Variants in ADAM10 observed in about 807,000 individuals in gnomAD.
ADAM10 encodes the protein disintegrin and metalloproteinase domain-containing protein 10.
A neutral mutation model predicts 90.1 loss-of-function variants in ADAM10; 17 were observed. That is an observed-to-expected ratio of 0.19 (90% CI 0.13 to 0.28). The LOEUF is 0.28. Among genes scored for constraint, ADAM10 ranks in the 10% least tolerant of loss-of-function variants. The pLI is 1.00. For missense variants in ADAM10, 610 were observed against 914.3 expected (o/e 0.67, Z 4.29); for synonymous variants, 310 against 298.6 (o/e 1.04, Z -0.40).
At position 58,589,065 on chromosome 15, in the gene ADAM10, G is replaced by T. The variant is rs1218483023; in HGVS notation, c.*8482C>A. 1 of 152,216 alleles carries T rather than the reference G, an allele frequency of 6.6e-6. No homozygotes were observed. The allele number at this position is 152,216 out of a possible 1,614,324, so 9.4% of individuals were successfully genotyped here. A position where few individuals can be genotyped will look rare whatever the true frequency, so the allele number is the denominator to read the frequency against. ...TTAAAAGTTAAAAATACAGCTGTTGGTAATGTGTTGTAATGAAACTAACTT... is the reference window on the plus strand; with the variant it reads ...TTAAAAGTTAAAAATACAGCTGTTGTTAATGTGTTGTAATGAAACTAACTT... On this transcript the variant is annotated 3_prime_UTR_variant, in exon 16 of 16. Transcript: ENST00000260408.
intron 2 of ADAM10, among the ~76,000 whole-genome samples, chr15:58,706,977 C>A (rs1411137490): frequency 6.9e-6 from 1 of 145,360 alleles, no homozygotes; most frequent in African/African-American, 2.6e-5. Flanking sequence ...CCATTGCACT[C>A]CAGCCTGGGT....
At chr15:58,668,038 G>C (rs1009084220) in intron 4 of ADAM10, among the ~76,000 whole-genome samples, 9 of 151,986 alleles carry the variant, frequency 5.9e-5, no homozygotes, top group Non-Finnish European at 1.0e-4. Flanking sequence ...TGAGGAAGAG[G>C]GCCAGACATG....
chr15:58,653,763 T>G (rs1342323424), intron 5 of ADAM10, among the ~76,000 whole-genome samples: 1 of 152,182 alleles, frequency 6.6e-6, no homozygotes, highest in Admixed American at 6.5e-5. Context: ...CCTCTATTTT[T>G]TGGAATAGTT....
At chr15:58,681,688 C>T (rs903903533) in intron 3 of ADAM10, among the ~76,000 whole-genome samples, 34 of 152,128 alleles carry the variant, frequency 2.2e-4, no homozygotes, top group African/African-American at 7.7e-4. Context: ...CTGATGCCCC[C>T]CAACATGCAT....
chr15:58,730,854 T>C (rs1328268186), intron 1 of ADAM10, among the ~76,000 whole-genome samples: 1 of 152,178 alleles, frequency 6.6e-6, no homozygotes, highest in Non-Finnish European at 1.5e-5. Flanking sequence ...CTCCCTCTCT[T>C]TCCCCTCGGG....
At chr15:58,708,758 C>T (rs347117) in intron 2 of ADAM10, among the ~76,000 whole-genome samples, 74,056 of 152,000 alleles carry the variant, frequency 0.49, 20,885 homozygotes, top group East Asian at 0.84. Context: ...TTATATTTGA[C>T]TTGTTGGTTC....
chr15:58,686,220 T>C (rs529764181), intron 2 of ADAM10, among the ~76,000 whole-genome samples: 176 of 152,280 alleles, frequency 1.2e-3, no homozygotes, highest in African/African-American at 3.9e-3. Context: ...TACTGGATCT[T>C]ACAAGAGACA....
chr15:58,629,041 G>C (rs2140668555), intron 9 of ADAM10, among the ~76,000 whole-genome samples: 1 of 152,098 alleles, frequency 6.6e-6, no homozygotes, highest in South Asian at 2.1e-4. Flanking sequence ...ATTCAACTCA[G>C]TTTCTGAAAA....
In ADAM10 at chr15:58,655,673, C is replaced by T. The variant is rs75477244; in HGVS notation, c.585+9424G>A. Among the ~76,000 whole-genome samples, 232 of 80,984 alleles carry T rather than the reference C, an allele frequency of 2.9e-3. 6 individuals carry two copies. Among genetic ancestry groups the T allele is most frequent in the African/African-American group, 0.013 (182 of 14,240 alleles). 53.1% of individuals were successfully genotyped at this position (80,984 alleles called of 152,430 possible). A position where few individuals can be genotyped will look rare whatever the true frequency, so the allele number is the denominator to read the frequency against. On this transcript the variant is annotated intron_variant, in intron 5 of 15. Transcript: ENST00000260408. The stretch of plus-strand genomic sequence containing the variant: ...CTTTGCATACATACATACATACATA[C>T]ATACATATATATATTATATATAGTA...
In ADAM10 at chr15:58,634,790, C is replaced by A. The variant is rs1199453457; in HGVS notation, c.1013-1431G>T. ...ACTGCTCTAATTAGCTTTCTATAGACAAGTTACAACAAAGTTACTAAACCA... is the reference window on the plus strand; with the variant it reads ...ACTGCTCTAATTAGCTTTCTATAGAAAAGTTACAACAAAGTTACTAAACCA... On this transcript the variant is annotated intron_variant, in intron 8 of 15. Coordinates refer to ENST00000260408, the MANE Select transcript of ADAM10 (RefSeq NM_001110.4). Among the ~76,000 whole-genome samples, 5 of 152,106 alleles carry A rather than the reference C, an allele frequency of 3.3e-5. No individual in the cohort carries two copies. The South Asian group carries it at 1.0e-3, about 31-fold the overall frequency.
intron 2 of ADAM10, among the ~76,000 whole-genome samples, chr15:58,701,830 G>A (rs140662387): frequency 9.2e-5 from 14 of 152,218 alleles, no homozygotes; most frequent in African/African-American, 3.4e-4. Flanking sequence ...ATAAGGCCCG[G>A]AGCAGTGACT....
chr15:58,719,406 T>C (rs1172687174), intron 1 of ADAM10, among the ~76,000 whole-genome samples: 1 of 152,194 alleles, frequency 6.6e-6, no homozygotes, highest in African/African-American at 2.4e-5. Flanking sequence ...TTAATCCTTA[T>C]TTCTCCATCT....
chr15:58,617,815 A>C lies in ADAM10; in HGVS notation c.1511+3656T>G, dbSNP rs149071928. Among the ~76,000 whole-genome samples, 136 of 152,150 alleles carry C rather than the reference A, an allele frequency of 8.9e-4. 2 individuals are homozygous for C. Among genetic ancestry groups the C allele is most frequent in the African/African-American group, 3.0e-3 (123 of 41,546 alleles). On this transcript the variant is annotated intron_variant, in intron 11 of 15. Coordinates refer to ENST00000260408, the MANE Select transcript of ADAM10 (RefSeq NM_001110.4). ...TATAATAGCTGCAAAAAAAAGAGTA[A>C]GTTTAATAAACGCAAGGAGGTGAGT...
At chr15:58,602,109 T>C (rs1365772) in intron 14 of ADAM10, among the ~76,000 whole-genome samples, 33,620 of 152,182 alleles carry the variant, frequency 0.22, 4,164 homozygotes, top group East Asian at 0.55. Context: ...AAACTTTCAA[T>C]GTATTCATTT....
In ADAM10 at chr15:58,597,680, C is replaced by T. The variant is rs199874974; in HGVS notation, c.2153-39G>A. On this transcript the variant is annotated intron_variant, in intron 15 of 15. Transcript: ENST00000260408. The stretch of plus-strand genomic sequence containing the variant: ...ATAAAAGCAAAGCAGATTTATTTAT[C>T]ATGAGCTTTTTAATCTTTAAAAGCA... The T allele has an allele frequency of 1.4e-5, 23 of 1,609,034 alleles. No homozygotes were observed. In the Middle Eastern group the frequency reaches 5.0e-4, roughly 35 times the overall value.
chr15:58,686,358 TCC>T, intron 2 of ADAM10: 1 of 740,820 alleles, frequency 1.3e-6, no homozygotes, highest in East Asian at 2.7e-5. Flanking sequence ...TTCAAACCTA[TCC>T]TAATAAAGCT....
chr15:58,672,562 A>C (rs1897218948), intron 4 of ADAM10: 1 of 152,160 alleles, frequency 6.6e-6, no homozygotes, highest in Admixed American at 6.5e-5. Context: ...TAGGGATCCC[A>C]ATGTACCCAA....
chr15:58,658,198 T>A (rs1250327990), intron 5 of ADAM10, among the ~76,000 whole-genome samples: 1 of 152,188 alleles, frequency 6.6e-6, no homozygotes, highest in African/African-American at 2.4e-5. Context: ...GTATAAGGTG[T>A]GAAGTACAGG....
intron 1 of ADAM10, among the ~76,000 whole-genome samples, chr15:58,737,594 A>G (rs1419082555): frequency 1.3e-5 from 2 of 152,172 alleles, no homozygotes; most frequent in African/African-American, 4.8e-5. Flanking sequence ...TCTCATAGAG[A>G]TGCTGTGAAG....
Sources: allele counts gnomAD v4.1 joint callset (sites outside exome capture counted in the v4.1 genomes callset), GRCh38; gene constraint gnomAD v4.1.1; transcripts MANE v1.5; gene names NCBI Gene and HGNC (gene_info 2026-07-23, HGNC 2026-07-21).